Variants in ARHGAP25 observed in about 807,000 individuals in gnomAD.
ARHGAP25 encodes Rho GTPase activating protein 25.
Under a neutral mutation model 71.0 loss-of-function variants are expected in ARHGAP25, and 34 were observed. The observed-to-expected ratio is 0.48, with a 90% CI of 0.36 to 0.64. The LOEUF (loss-of-function observed/expected upper bound fraction) is 0.64, where lower values mean the gene tolerates loss of function less well. ARHGAP25 is among the 30% of genes least tolerant of loss of function. The pLI, the probability that ARHGAP25 is intolerant of heterozygous loss-of-function variation, is 0.00. For missense variants in ARHGAP25, 706 were observed against 805.1 expected (o/e 0.88, Z 1.49); for synonymous variants, 282 against 296.5 (o/e 0.95, Z 0.50).
chr2:68,797,903 G>T (rs374093360), intron 4 of ARHGAP25, among the ~76,000 whole-genome samples: 3 of 152,158 alleles, frequency 2.0e-5, no homozygotes, highest in Non-Finnish European at 4.4e-5. Flanking sequence ...TGGGGGATTC[G>T]CTCCCCTTTC....
intron 9 of ARHGAP25, among the ~76,000 whole-genome samples, chr2:68,820,128 C>A (rs996951554): frequency 1.3e-5 from 2 of 152,164 alleles, no homozygotes; most frequent in South Asian, 4.1e-4. Flanking sequence ...GAAGGCAATG[C>A]ATTCTACTAA....
At chr2:68,762,528 G>T (rs1308294542) in intron 1 of ARHGAP25, among the ~76,000 whole-genome samples, 1 of 152,050 alleles carries the variant, frequency 6.6e-6, no homozygotes, top group Admixed American at 6.6e-5. Flanking sequence ...AAGCCAGAGG[G>T]ATTTGGAATT....
intron 1 of ARHGAP25, among the ~76,000 whole-genome samples, chr2:68,766,948 G>C (rs1677162412): frequency 1.3e-5 from 2 of 152,186 alleles, no homozygotes; most frequent in Non-Finnish European, 1.5e-5. Flanking sequence ...CCTTTAGGTT[G>C]ACATAGTCAC....
chr2:68,712,018 G>T (rs1051827170), intron 2 of ARHGAP25, among the ~76,000 whole-genome samples: 1 of 152,110 alleles, frequency 6.6e-6, no homozygotes, highest in Non-Finnish European at 1.5e-5. Flanking sequence ...ATAATCCTTT[G>T]GTTATATACC....
At chr2:68,771,433 T>C (rs1558625620) in intron 1 of ARHGAP25, among the ~76,000 whole-genome samples, 1 of 152,224 alleles carries the variant, frequency 6.6e-6, no homozygotes, top group East Asian at 1.9e-4. Flanking sequence ...GCTCCATTAA[T>C]AGTAACAGAT....
At chr2:68,742,648 A>G (rs1462201768) in intron 1 of ARHGAP25, among the ~76,000 whole-genome samples, 1 of 152,248 alleles carries the variant, frequency 6.6e-6, no homozygotes, top group African/African-American at 2.4e-5. Context: ...GCTATAATGG[A>G]GATCTGATAT....
At chr2:68,786,317 T>C (rs1678758595) in intron 3 of ARHGAP25, among the ~76,000 whole-genome samples, 1 of 152,184 alleles carries the variant, frequency 6.6e-6, no homozygotes, top group African/African-American at 2.4e-5. Context: ...AGACACCAGA[T>C]AAATTTTGTC....
intron 1 of ARHGAP25, among the ~76,000 whole-genome samples, chr2:68,746,703 A>ACC (rs370621628): frequency 0.28 from 37,838 of 136,854 alleles, 4,236 homozygotes; most frequent in Non-Finnish European, 0.31. Flanking sequence ...GACAGGGACC[A>ACC]CCCCCCTCCC....
rs556777729 is a variant in ARHGAP25 at position 68,767,938 on chromosome 2, G to A, written c.62-7283G>A. ...TGGCTTTGTTCCCAGCTCAGTGAAA[G>A]GTGGCATGGTCTCTCCTGTCCACTT... On this transcript the variant is annotated intron_variant, in intron 1 of 10. Transcript: ENST00000409202. This position sits in a 1 kb window ranked among gnomAD's most constrained non-coding sequence, Gnocchi z 4.6. Among the ~76,000 whole-genome samples the A allele has an allele frequency of 6.6e-6, 1 of 152,246 alleles. No homozygotes were observed. Among genetic ancestry groups the A allele is most frequent in the Admixed American group, 6.5e-5 (1 of 15,284 alleles).
intron 2 of ARHGAP25, among the ~76,000 whole-genome samples, chr2:68,777,092 T>C (rs1020077362): frequency 6.6e-6 from 1 of 152,088 alleles, no homozygotes; most frequent in Non-Finnish European, 1.5e-5. Flanking sequence ...GCCTTCCTTC[T>C]CTTTATAAAC....
chr2:68,790,243 G>A (rs1679074093), intron 4 of ARHGAP25, among the ~76,000 whole-genome samples: 1 of 152,148 alleles, frequency 6.6e-6, no homozygotes, highest in African/African-American at 2.4e-5. Context: ...CACCACCTCG[G>A]CTTCCCAAAG....
At chr2:68,748,306 T>A (rs1403751994) in intron 1 of ARHGAP25, among the ~76,000 whole-genome samples, 1 of 152,234 alleles carries the variant, frequency 6.6e-6, no homozygotes, top group East Asian at 1.9e-4. Flanking sequence ...TCAAATATTA[T>A]CTCTTCAAAG....
intron 2 of ARHGAP25, among the ~76,000 whole-genome samples, chr2:68,721,385 C>G (rs183867995): frequency 9.4e-4 from 143 of 152,334 alleles, no homozygotes; most frequent in Non-Finnish European, 1.7e-3. Flanking sequence ...GCAAATTACT[C>G]CTCCATTCCA....
At chr2:68,761,500 A>G (rs1676815804) in intron 1 of ARHGAP25, among the ~76,000 whole-genome samples, 1 of 151,504 alleles carries the variant, frequency 6.6e-6, no homozygotes, top group Admixed American at 6.6e-5. Flanking sequence ...AGGGATTAAT[A>G]TCCAGAATGT....
intron 2 of ARHGAP25, among the ~76,000 whole-genome samples, chr2:68,721,253 AAATT>A (rs1388266432): frequency 6.6e-6 from 1 of 152,202 alleles, no homozygotes; most frequent in Non-Finnish European, 1.5e-5. Context: ...TAGCAATCAA[AAATT>A]AATTCCTTGT....
intron 1 of ARHGAP25, among the ~76,000 whole-genome samples, chr2:68,737,508 C>T (rs577466628): frequency 6.6e-6 from 1 of 152,262 alleles, no homozygotes; most frequent in South Asian, 2.1e-4. Context: ...GTAACACCCC[C>T]CTACCACTAC....
At chr2:68,820,054 A>AAG (rs1343387598) in intron 9 of ARHGAP25, among the ~76,000 whole-genome samples, 1 of 152,170 alleles carries the variant, frequency 6.6e-6, no homozygotes, top group African/African-American at 2.4e-5. Flanking sequence ...GTTAGCCCTG[A>AAG]AGATTGTTTT....
chr2:68,742,649 GATCTGAT>G (rs1202785959), intron 1 of ARHGAP25, among the ~76,000 whole-genome samples: 1 of 152,212 alleles, frequency 6.6e-6, no homozygotes, highest in Admixed American at 6.5e-5. Context: ...CTATAATGGA[GATCTGAT>G]ATCAGCTCCT....
chr2:68,730,806 C>T (rs148795568), upstream of ARHGAP25, among the ~76,000 whole-genome samples: 7 of 152,202 alleles, frequency 4.6e-5, no homozygotes, highest in South Asian at 4.2e-4. Flanking sequence ...AAATGGGGGC[C>T]GTATTTGTGT....
Sources: gnomAD v4.1 joint callset for allele counts (sites outside exome capture counted in the v4.1 genomes callset) on GRCh38, gnomAD v4.1.1 for gene constraint, Gnocchi (gnomAD v3.1) non-coding constraint, MANE v1.5 for transcripts, NCBI Gene and HGNC (gene_info 2026-07-23, HGNC 2026-07-21) for gene names.